The following CCDC3 variants were observed in gnomAD, a reference collection of about 807,000 sequenced individuals.
The protein encoded by CCDC3 is coiled-coil domain containing 3, also known as coiled-coil domain-containing protein 3.
CCDC3 carries 24 observed loss-of-function variants against 21.4 expected under a neutral mutation model. The observed-to-expected ratio is 1.12, with a 90% CI of 0.81 to 1.58. CCDC3 has a LOEUF of 1.58. CCDC3 is among the 40% of genes most tolerant of loss of function. CCDC3 has a pLI of 0.00. For synonymous variants in CCDC3, 186 were observed against 166.0 expected (o/e 1.12, Z -0.93); for missense variants, 425 against 360.9 (o/e 1.18, Z -1.44).
At position 13,064,127 on chromosome 10, in the gene CCDC3, T is replaced by C. The variant is rs201285803; in HGVS notation, c.-270+9741A>G. ...ATTTTTAGTAGACAGGGTTTCACCA[T>C]GTTGGCCAGGTTGGTCTCGATCTCC... On this transcript the variant is annotated intron_variant, in intron 4 of 6. Coordinates refer to the CCDC3 transcript ENST00000378839. Among the ~76,000 whole-genome samples the C allele has an allele frequency of 7.2e-5, 11 of 152,254 alleles. No individual in the cohort carries two copies. The East Asian group carries it at 2.1e-3, about 29-fold the overall frequency.
intron 2 of CCDC3, among the ~76,000 whole-genome samples, chr10:12,955,842 C>T (rs537967498): frequency 6.6e-6 from 1 of 152,122 alleles, no homozygotes; most frequent in Non-Finnish European, 1.5e-5. Flanking sequence ...TCCCAAGTAA[C>T]TGGGATTACA....
intron 2 of CCDC3, among the ~76,000 whole-genome samples, chr10:12,908,851 A>G (rs1449053986): frequency 2.0e-5 from 3 of 152,100 alleles, no homozygotes; most frequent in Non-Finnish European, 4.4e-5. Flanking sequence ...TTGGCCTCCC[A>G]AAGTGCTTGG....
At position 12,973,098 on chromosome 10, in the gene CCDC3, C is replaced by T. The variant is rs555554616; in HGVS notation, c.549+25240G>A. Reference sequence around the variant, plus strand: ...GCTACCATTGACTGTGCCCTTACTACGTGCCAGGTGCTCTGCTGGGGACCA... The same window carrying T: ...GCTACCATTGACTGTGCCCTTACTATGTGCCAGGTGCTCTGCTGGGGACCA... On this transcript the variant is annotated intron_variant, in intron 2 of 2. Transcript: ENST00000378825. Among the ~76,000 whole-genome samples the T allele has an allele frequency of 5.9e-4, 90 of 152,304 alleles. 3 individuals are homozygous for T. In the South Asian group the frequency reaches 0.017, roughly 28 times the overall value.
chr10:12,984,035 G>A lies in CCDC3; in HGVS notation c.549+14303C>T, dbSNP rs529722537. Among the ~76,000 whole-genome samples the A allele has an allele frequency of 2.0e-5, 3 of 152,286 alleles. No individual in the cohort carries two copies. In the South Asian group the frequency reaches 6.2e-4, roughly 32 times the overall value. On this transcript the variant is annotated intron_variant, in intron 2 of 2. Transcript: ENST00000378825. ...ACAGAGGCTGCATTGAGCCAAGATCGTGCCACTGCACTCTAGCCTGGGTGA... is the reference window on the plus strand; with the variant it reads ...ACAGAGGCTGCATTGAGCCAAGATCATGCCACTGCACTCTAGCCTGGGTGA...
chr10:12,924,504 C>T (rs1834503034), intron 2 of CCDC3, among the ~76,000 whole-genome samples: 1 of 152,214 alleles, frequency 6.6e-6, no homozygotes, highest in Non-Finnish European at 1.5e-5. Flanking sequence ...AATATCTAAA[C>T]TCTAATGATT....
chr10:13,055,708 G>A (rs1314269014), intron 4 of CCDC3, among the ~76,000 whole-genome samples: 2 of 152,146 alleles, frequency 1.3e-5, no homozygotes, highest in Non-Finnish European at 2.9e-5. Context: ...TTCTTATTAC[G>A]GTACCTTTAT....
At chr10:12,899,114 T>C (rs1371295626) in intron 2 of CCDC3, among the ~76,000 whole-genome samples, 1 of 151,776 alleles carries the variant, frequency 6.6e-6, no homozygotes, top group African/African-American at 2.4e-5. Context: ...AATGCTGGCC[T>C]GTCCAACTGA....
chr10:13,044,997 C>T (rs1836505135), intron 5 of CCDC3, among the ~76,000 whole-genome samples: 1 of 152,140 alleles, frequency 6.6e-6, no homozygotes, highest in South Asian at 2.1e-4. Context: ...AACAATGTTT[C>T]CCATGGAATC....
At chr10:13,010,884 T>C (rs1286566063) in intron 5 of CCDC3, among the ~76,000 whole-genome samples, 2 of 152,118 alleles carry the variant, frequency 1.3e-5, no homozygotes, top group East Asian at 1.9e-4. Context: ...TTCTCATCTA[T>C]AAAACGGTCA....
intron 2 of CCDC3, among the ~76,000 whole-genome samples, chr10:12,948,801 G>A (rs575698735): frequency 3.2e-5 from 4 of 125,134 alleles, no homozygotes; most frequent in East Asian, 2.5e-4. Flanking sequence ...GGCCTATCTC[G>A]GCTCACTGCA....
intron 2 of CCDC3, among the ~76,000 whole-genome samples, chr10:12,945,920 G>A (rs528414332): frequency 1.3e-5 from 2 of 152,294 alleles, no homozygotes; most frequent in African/African-American, 4.8e-5. Flanking sequence ...TAACAAACAG[G>A]CAACTTGGTT....
At chr10:13,087,089 A>T (rs1382350848) in intron 3 of CCDC3, among the ~76,000 whole-genome samples, 2 of 152,214 alleles carry the variant, frequency 1.3e-5, no homozygotes, top group African/African-American at 4.8e-5. Flanking sequence ...AAGGCCTAAG[A>T]TACAGAGAAG....
In CCDC3 at chr10:12,904,468, T is replaced by TAAAAAAAAAAAAAAAAAA. The variant is rs55772750; in HGVS notation, c.550-5807_550-5790dup. 7.3e-5 allele frequency among the ~76,000 whole-genome samples: 3 copies of TAAAAAAAAAAAAAAAAAA among 40,918 alleles called. 1 individual carries two copies. Among genetic ancestry groups the TAAAAAAAAAAAAAAAAAA allele is most frequent in the African/African-American group, 2.7e-4 (3 of 11,070 alleles). The allele number at this position is 40,918 out of a possible 152,430, so 26.8% of individuals were successfully genotyped here. On this transcript the variant is annotated intron_variant, in intron 2 of 2. Transcript: ENST00000378825. ...TAAGTTACAGAGCAAAAGCCAGTCTTAAAAAAAAAAAAAAAAAAAAAAAGA... is the reference window on the plus strand; with the variant it reads ...TAAGTTACAGAGCAAAAGCCAGTCTTAAAAAAAAAAAAAAAAAAAAAAAAAAAAAAAAAAAAAAAAAGA...
chr10:13,013,596 A>T (rs1836010931), intron 5 of CCDC3, among the ~76,000 whole-genome samples: 1 of 152,226 alleles, frequency 6.6e-6, no homozygotes, highest in Non-Finnish European at 1.5e-5. Flanking sequence ...ATCCTGGCAG[A>T]TACCATGGTA....
chr10:12,901,998 T>C (rs941785664), intron 2 of CCDC3, among the ~76,000 whole-genome samples: 5 of 152,186 alleles, frequency 3.3e-5, no homozygotes, highest in African/African-American at 1.2e-4. Flanking sequence ...GGTCTCCCTG[T>C]GTATGTAATG....
rs566658964 is a variant in CCDC3 at position 12,944,576 on chromosome 10, A to AC, written c.550-45898dup. On this transcript the variant is annotated intron_variant, in intron 2 of 2. Coordinates refer to ENST00000378825, the MANE Select transcript of CCDC3 (RefSeq NM_031455.4). ...AAATGTATAAACCAAGCTGTAAACCACCCACTTTGGGCACATGTTCTCAAG... is the reference window on the plus strand; with the variant it reads ...AAATGTATAAACCAAGCTGTAAACCACCCCACTTTGGGCACATGTTCTCAAG... Among the ~76,000 whole-genome samples, 6 of 150,358 alleles carry AC rather than the reference A, an allele frequency of 4.0e-5. No individual in the cohort carries two copies. In the South Asian group the frequency reaches 1.3e-3, roughly 32 times the overall value.
At chr10:12,996,661 G>C (rs905457440) in intron 2 of CCDC3, among the ~76,000 whole-genome samples, 1 of 152,132 alleles carries the variant, frequency 6.6e-6, no homozygotes, top group Non-Finnish European at 1.5e-5. Flanking sequence ...GGACGTACCA[G>C]CCCTTCACAG....
chr10:13,008,871 G>A (rs1835954160), intron 5 of CCDC3, among the ~76,000 whole-genome samples: 1 of 152,086 alleles, frequency 6.6e-6, no homozygotes, highest in African/African-American at 2.4e-5. Flanking sequence ...CTTAAGATCA[G>A]AAACAAGACA....
At chr10:13,049,310 T>C (rs954034025) in intron 5 of CCDC3, among the ~76,000 whole-genome samples, 5 of 152,188 alleles carry the variant, frequency 3.3e-5, no homozygotes, top group African/African-American at 1.2e-4. Context: ...TAGAGCACTT[T>C]TTTTTCTTGA....
Sources: gnomAD v4.1 joint callset for allele counts (sites outside exome capture counted in the v4.1 genomes callset) on GRCh38, gnomAD v4.1.1 for gene constraint, MANE v1.5 for transcripts, NCBI Gene and HGNC (gene_info 2026-07-23, HGNC 2026-07-21) for gene names.